The following RGS20 variants were observed in gnomAD, a reference collection of about 807,000 sequenced individuals.
RGS20 encodes gz-selective GTPase-activating protein.
Under a neutral mutation model 33.6 loss-of-function variants are expected in RGS20, and 30 were observed. The ratio of observed to expected loss-of-function variants is 0.89; its 90% CI spans 0.67 to 1.21. The LOEUF is 1.21. Among genes scored for constraint, RGS20 ranks in the 50% most tolerant of loss-of-function variants. RGS20 has a pLI of 0.00. For missense variants in RGS20, 472 were observed against 502.4 expected (o/e 0.94, Z 0.58); for synonymous variants, 208 against 197.9 (o/e 1.05, Z -0.43).
Position 53,945,042 on chromosome 8 carries a change from T to G in RGS20, c.660-1623T>G, listed in dbSNP as rs1243224162. 2.6e-5 allele frequency among the ~76,000 whole-genome samples: 4 copies of G among 152,216 alleles called. No individual in the cohort carries two copies. The East Asian group carries it at 7.7e-4, about 29-fold the overall frequency. On this transcript the variant is annotated intron_variant, in intron 3 of 5. Coordinates refer to ENST00000297313, the MANE Select transcript of RGS20 (RefSeq NM_170587.4). ...GGTGCAATTGCCTTGTAAAACAGTTTGGGAGTTCCTCAAAATGTTAAAACT... is the reference window on the plus strand; with the variant it reads ...GGTGCAATTGCCTTGTAAAACAGTTGGGGAGTTCCTCAAAATGTTAAAACT...
chr8:53,887,992 G>GTATATGTA (rs1475551369), intron 2 of RGS20, among the ~76,000 whole-genome samples: 1 of 151,684 alleles, frequency 6.6e-6, no homozygotes, highest in East Asian at 1.9e-4. Flanking sequence ...AAAAAAAAAG[G>GTATATGTA]TATATGTATA....
At chr8:53,941,739 G>A (rs578241807) in intron 3 of RGS20, among the ~76,000 whole-genome samples, 4 of 152,252 alleles carry the variant, frequency 2.6e-5, no homozygotes, top group Admixed American at 2.0e-4. Flanking sequence ...CGTGATAAAA[G>A]TGACATCAGC....
At chr8:53,919,170 T>G (rs73589246) in intron 2 of RGS20, among the ~76,000 whole-genome samples, 8,233 of 152,322 alleles carry the variant, frequency 0.054, 670 homozygotes, top group African/African-American at 0.18. Flanking sequence ...TTAATCATCT[T>G]TTCATGTGTA....
At chr8:53,923,860 T>C (rs965638123) in intron 2 of RGS20, among the ~76,000 whole-genome samples, 2 of 152,216 alleles carry the variant, frequency 1.3e-5, no homozygotes, top group African/African-American at 4.8e-5. Flanking sequence ...CTATTTGTTT[T>C]AGTTTCCTAT....
Position 53,945,828 on chromosome 8 carries a change from A to G in RGS20, c.660-837A>G, listed in dbSNP as rs546075944. Among the ~76,000 whole-genome samples, 7 of 152,112 alleles carry G rather than the reference A, an allele frequency of 4.6e-5. No individual in the cohort carries two copies. The East Asian group carries it at 1.4e-3, about 29-fold the overall frequency. On this transcript the variant is annotated intron_variant, in intron 3 of 5. Transcript: ENST00000297313. ...TGAGGCACAAGAATCGCTTGGTTGC[A>G]GTGAGCTGAGATTGCGCCACAGCAC...
At chr8:53,896,301 T>G (rs145583632) in intron 2 of RGS20, among the ~76,000 whole-genome samples, 224 of 152,190 alleles carry the variant, frequency 1.5e-3, no homozygotes, top group African/African-American at 5.1e-3. Context: ...GAAGAATATT[T>G]TGTGACACAT....
intron 4 of RGS20, among the ~76,000 whole-genome samples, chr8:53,949,080 TAAG>T: frequency 8.4e-5 from 1 of 11,840 alleles, no homozygotes; most frequent in South Asian, 4.4e-3. Context: ...ATATGCTATA[TAAG>T]ATACAGTATA....
At chr8:53,860,775 G>A (rs772012180) in intron 1 of RGS20, among the ~76,000 whole-genome samples, 1 of 152,164 alleles carries the variant, frequency 6.6e-6, no homozygotes, top group Non-Finnish European at 1.5e-5. Flanking sequence ...AGCCCAGCCT[G>A]GCCAACATGG....
intron 1 of RGS20, among the ~76,000 whole-genome samples, chr8:53,871,458 A>G (rs1440496739): frequency 6.6e-6 from 1 of 152,024 alleles, no homozygotes; most frequent in African/African-American, 2.4e-5. Flanking sequence ...CTCTACTAAA[A>G]ACACAAAAAT....
intron 2 of RGS20, among the ~76,000 whole-genome samples, chr8:53,884,377 A>G (rs1348432959): frequency 6.6e-6 from 1 of 151,966 alleles, no homozygotes; most frequent in Non-Finnish European, 1.5e-5. Flanking sequence ...TTAATTTTTT[A>G]TAGAGACAGG....
intron 2 of RGS20, among the ~76,000 whole-genome samples, chr8:53,891,914 A>T (rs1812720722): frequency 6.6e-6 from 1 of 151,922 alleles, no homozygotes; most frequent in African/African-American, 2.4e-5. Flanking sequence ...TTACACTTTA[A>T]GTTTTAGGGT....
At chr8:53,918,092 A>C (rs1813541258) in intron 2 of RGS20, among the ~76,000 whole-genome samples, 1 of 152,192 alleles carries the variant, frequency 6.6e-6, no homozygotes, top group Non-Finnish European at 1.5e-5. Flanking sequence ...ATTGTCATAT[A>C]AATCATACAC....
chr8:53,938,609 A>G (rs1814201086), intron 2 of RGS20, among the ~76,000 whole-genome samples: 1 of 152,234 alleles, frequency 6.6e-6, no homozygotes, highest in Admixed American at 6.5e-5. Flanking sequence ...GTAATAATCA[A>G]TAGGAACAGA....
chr8:53,944,424 G>A (rs1029077412), intron 3 of RGS20, among the ~76,000 whole-genome samples: 20 of 151,932 alleles, frequency 1.3e-4, no homozygotes, highest in Non-Finnish European at 2.5e-4. Flanking sequence ...TGTAGTCCCA[G>A]CTACTCAGGA....
intron 1 of RGS20, among the ~76,000 whole-genome samples, chr8:53,853,699 C>T (rs1265084404): frequency 1.3e-5 from 2 of 152,108 alleles, no homozygotes; most frequent in Non-Finnish European, 2.9e-5. Context: ...GGGCTAGGAG[C>T]CATAGGGAAT....
At chr8:53,895,436 AATGATC>A (rs1812830974) in intron 2 of RGS20, among the ~76,000 whole-genome samples, 2 of 152,098 alleles carry the variant, frequency 1.3e-5, no homozygotes, top group Admixed American at 1.3e-4. Flanking sequence ...TGGTACGCTA[AATGATC>A]ATGAAGTTAT....
intron 3 of RGS20, among the ~76,000 whole-genome samples, chr8:53,944,376 A>G (rs1320130732): frequency 2.0e-5 from 3 of 152,120 alleles, no homozygotes; most frequent in African/African-American, 4.8e-5. Context: ...CGTCTCTACT[A>G]AAAATACAAA....
intron 3 of RGS20, among the ~76,000 whole-genome samples, chr8:53,942,594 C>T (rs536807802): frequency 6.6e-6 from 1 of 152,160 alleles, no homozygotes; most frequent in South Asian, 2.1e-4. Context: ...TAAAATGGTT[C>T]TAAAGGGTAT....
intron 1 of RGS20, among the ~76,000 whole-genome samples, chr8:53,871,079 C>T (rs1366417569): frequency 7.4e-6 from 1 of 135,560 alleles, no homozygotes; most frequent in Non-Finnish European, 1.5e-5. Context: ...CCACTGTATT[C>T]CAGCCTGGGT....
Sources: gnomAD v4.1 joint callset for allele counts (sites outside exome capture counted in the v4.1 genomes callset) on GRCh38, gnomAD v4.1.1 for gene constraint, MANE v1.5 for transcripts, NCBI Gene and HGNC (gene_info 2026-07-23, HGNC 2026-07-21) for gene names.